PDZD2: variants seen among roughly 807,000 people sequenced by gnomAD.
PDZD2 encodes the protein PDZ domain-containing protein 2.
A neutral mutation model predicts 220.7 loss-of-function variants in PDZD2; 90 were observed. The observed-to-expected ratio is 0.41, with a 90% CI of 0.34 to 0.49. The LOEUF is 0.49. Among genes scored for constraint, PDZD2 ranks in the 20% least tolerant of loss-of-function variants. PDZD2 has a pLI of 0.28. For missense variants in PDZD2, 3,174 were observed against 3,608.5 expected, an observed-to-expected ratio of 0.88 and a Z score of 3.08; for synonymous variants, 1,375 against 1,450.5, an observed-to-expected ratio of 0.95 and a Z score of 1.18.
intron 1 of PDZD2, among the ~76,000 whole-genome samples, chr5:31,773,519 C>T (rs1752460645): frequency 6.6e-6 from 1 of 150,812 alleles, no homozygotes; most frequent in Non-Finnish European, 1.5e-5. Context: ...AGCATGGTGG[C>T]GCATGTCTAT....
At position 32,089,656 on chromosome 5, in the gene PDZD2, C is replaced by A; in HGVS notation, c.6208C>A (p.Pro2070Thr). 6.2e-7 allele frequency: 1 copy of A among 1,613,968 alleles called. No homozygotes were observed. Among genetic ancestry groups the A allele is most frequent in the South Asian group, 1.1e-5 (1 of 91,088 alleles). ...GGCAGCAGACACAGCCCAACCCAGG[C>A]CGACTGGCGAAAAAGGAGGCAACAT... ...HVAADTAQPR[P>T]TGEKGGNIMA... The change falls in exon 20 of 25, where the codon CCG (proline) becomes ACG (threonine). Residue 2070 changes from proline to threonine, a missense_variant. Coordinates refer to ENST00000438447, the MANE Select transcript of PDZD2 (RefSeq NM_178140.4).
intron 2 of PDZD2, among the ~76,000 whole-genome samples, chr5:31,982,571 C>T (rs143941162): frequency 9.5e-4 from 145 of 152,262 alleles, no homozygotes; most frequent in African/African-American, 3.3e-3. Flanking sequence ...CCTCCCAAAG[C>T]GCTGGATTAC....
chr5:31,986,007 G>T (rs1007665406), intron 3 of PDZD2, among the ~76,000 whole-genome samples: 1 of 149,890 alleles, frequency 6.7e-6, no homozygotes, highest in Non-Finnish European at 1.5e-5. Context: ...CCTGGGAGGC[G>T]GAGGTTGCGG....
chr5:31,851,476 A>C (rs1364101497), intron 2 of PDZD2, among the ~76,000 whole-genome samples: 1 of 152,146 alleles, frequency 6.6e-6, no homozygotes, highest in African/African-American at 2.4e-5. Context: ...CATTTTGATC[A>C]TCACCCCTGA....
chr5:31,954,886 G>A (rs1051565373), intron 2 of PDZD2, among the ~76,000 whole-genome samples: 3 of 152,036 alleles, frequency 2.0e-5, no homozygotes, highest in African/African-American at 4.8e-5. Flanking sequence ...GCAGTGAGCC[G>A]AGATCGCGCC....
At chr5:31,896,496 G>A (rs1361348473) in intron 2 of PDZD2, among the ~76,000 whole-genome samples, 2 of 152,006 alleles carry the variant, frequency 1.3e-5, no homozygotes, top group Non-Finnish European at 2.9e-5. Context: ...GAATTCATCC[G>A]CTCAGAAAAA....
At chr5:32,106,253 TCGCATATG>T (rs755722436) in intron 24 of PDZD2, 4 of 152,702 alleles carry the variant, frequency 2.6e-5, no homozygotes, top group Non-Finnish European at 4.4e-5. Context: ...CCTAGATCCC[TCGCATATG>T]CAGTTCACAA....
intron 1 of PDZD2, among the ~76,000 whole-genome samples, chr5:31,645,853 C>A (rs1745115643): frequency 6.6e-6 from 1 of 152,068 alleles, no homozygotes; most frequent in Non-Finnish European, 1.5e-5. Flanking sequence ...AAAGTCAATT[C>A]CCTGGCTGGG....
intron 2 of PDZD2, among the ~76,000 whole-genome samples, chr5:31,982,089 G>A (rs1036402275): frequency 2.6e-5 from 4 of 152,072 alleles, no homozygotes; most frequent in Non-Finnish European, 4.4e-5. Flanking sequence ...ACTGTTCCTG[G>A]TTGACACAGT....
chr5:31,766,929 T>C (rs1214111912), intron 1 of PDZD2, among the ~76,000 whole-genome samples: 2 of 151,574 alleles, frequency 1.3e-5, no homozygotes, highest in Non-Finnish European at 2.9e-5. Context: ...GGTTTCATCA[T>C]GTTGGGCAGG....
intron 1 of PDZD2, among the ~76,000 whole-genome samples, chr5:31,738,914 C>T (rs1383392953): frequency 6.6e-6 from 1 of 150,558 alleles, no homozygotes; most frequent in Non-Finnish European, 1.5e-5. Flanking sequence ...CAGACACAGT[C>T]TTGCTCTGTC....
chr5:32,022,177 G>GTT (rs1438838239), intron 6 of PDZD2, among the ~76,000 whole-genome samples: 4 of 92,150 alleles, frequency 4.3e-5, no homozygotes, highest in Non-Finnish European at 5.1e-5. Flanking sequence ...TTTTCGTTTT[G>GTT]TTTTTTTGTT....
chr5:32,023,342 TC>T (rs1471654742), intron 6 of PDZD2, among the ~76,000 whole-genome samples: 1 of 152,018 alleles, frequency 6.6e-6, no homozygotes, highest in Admixed American at 6.6e-5. Flanking sequence ...CTCTCCTTCC[TC>T]CTTCTCCAAG....
chr5:31,679,840 G>A (rs1746584100), intron 1 of PDZD2, among the ~76,000 whole-genome samples: 1 of 152,084 alleles, frequency 6.6e-6, no homozygotes, highest in South Asian at 2.1e-4. Context: ...GGTTCCCCCT[G>A]GAGGTTAAGT....
intron 14 of PDZD2, among the ~76,000 whole-genome samples, chr5:32,064,226 C>T (rs979023923): frequency 4.0e-5 from 6 of 151,788 alleles, no homozygotes; most frequent in Non-Finnish European, 7.4e-5. Context: ...AAGAAGGAAC[C>T]AACTCAATTC....
intron 2 of PDZD2, among the ~76,000 whole-genome samples, chr5:31,850,450 G>A (rs942556788): frequency 4.0e-5 from 6 of 151,516 alleles, no homozygotes; most frequent in Admixed American, 1.3e-4. Flanking sequence ...ACAGTGGAAC[G>A]CTATAGTTCT....
chr5:31,911,892 A>G (rs1743241573), intron 2 of PDZD2, among the ~76,000 whole-genome samples: 4 of 152,178 alleles, frequency 2.6e-5, no homozygotes, highest in Admixed American at 2.6e-4. Flanking sequence ...CACTGCATCC[A>G]GGTTATACTG....
chr5:31,756,272 G>T (rs986863299), intron 1 of PDZD2, among the ~76,000 whole-genome samples: 1 of 152,152 alleles, frequency 6.6e-6, no homozygotes, highest in Non-Finnish European at 1.5e-5. Context: ...CTTAGAAAAC[G>T]TCAGACTTTT....
intron 6 of PDZD2, among the ~76,000 whole-genome samples, chr5:32,033,115 A>G (rs1238622504): frequency 6.6e-6 from 1 of 152,244 alleles, no homozygotes; most frequent in Non-Finnish European, 1.5e-5. Context: ...GCTCATGAAT[A>G]ATAGATTTTA....
Sources: allele counts gnomAD v4.1 joint callset (sites outside exome capture counted in the v4.1 genomes callset), GRCh38; gene constraint gnomAD v4.1.1; transcripts MANE v1.5; gene names NCBI Gene and HGNC (gene_info 2026-07-23, HGNC 2026-07-21).